Variants in MYO1D observed in about 807,000 individuals in gnomAD.
MYO1D encodes myosin ID.
Under a neutral mutation model 122.0 loss-of-function variants are expected in MYO1D, and 83 were observed. The ratio of observed to expected loss-of-function variants is 0.68; its 90% CI spans 0.57 to 0.82. The LOEUF (loss-of-function observed/expected upper bound fraction) is 0.82, where lower values mean the gene tolerates loss of function less well. MYO1D is among the 40% of genes least tolerant of loss of function. MYO1D has a pLI of 0.00. For missense variants in MYO1D, 1,157 were observed against 1,269.5 expected (o/e 0.91, Z 1.35); for synonymous variants, 464 against 446.9 (o/e 1.04, Z -0.48).
intron 20 of MYO1D, among the ~76,000 whole-genome samples, chr17:32,609,981 T>C (rs1048829145): frequency 6.6e-6 from 1 of 152,206 alleles, no homozygotes; most frequent in Admixed American, 6.5e-5. Context: ...TCTCATTTCA[T>C]TATTTTATAT....
intron 16 of MYO1D, among the ~76,000 whole-genome samples, chr17:32,701,599 G>C (rs2089249797): frequency 6.6e-6 from 1 of 152,052 alleles, no homozygotes; most frequent in Non-Finnish European, 1.5e-5. Context: ...GTCACACTCT[G>C]TCACTTAAGC....
chr17:32,655,739 C>G (rs571651297), intron 17 of MYO1D, among the ~76,000 whole-genome samples: 14 of 152,186 alleles, frequency 9.2e-5, no homozygotes, highest in African/African-American at 3.1e-4. Context: ...GAGAAGCCAT[C>G]GGAAGGTTTG....
At chr17:32,826,711 C>T (rs2090726070) in intron 1 of MYO1D, among the ~76,000 whole-genome samples, 1 of 152,140 alleles carries the variant, frequency 6.6e-6, no homozygotes, top group Non-Finnish European at 1.5e-5. Context: ...AGAAGACAAA[C>T]TAGTACTAAT....
intron 21 of MYO1D, among the ~76,000 whole-genome samples, chr17:32,538,719 G>C (rs142440808): frequency 2.0e-5 from 3 of 152,006 alleles, no homozygotes; most frequent in Non-Finnish European, 1.5e-5. Context: ...ATGATAGACC[G>C]GATAAAGAAA....
chr17:32,580,235 G>T (rs879865273), intron 21 of MYO1D, among the ~76,000 whole-genome samples: 1 of 139,820 alleles, frequency 7.2e-6, no homozygotes, highest in South Asian at 2.4e-4. Context: ...TTTTTTCACA[G>T]ATGTACTTTA....
At chr17:32,861,904 G>A (rs764085966) in intron 1 of MYO1D, among the ~76,000 whole-genome samples, 4 of 152,238 alleles carry the variant, frequency 2.6e-5, no homozygotes, top group South Asian at 2.1e-4. Flanking sequence ...TGTAGTCCCC[G>A]CTACTCGGGA....
At chr17:32,862,555 C>G (rs577727929) in intron 1 of MYO1D, among the ~76,000 whole-genome samples, 1 of 152,250 alleles carries the variant, frequency 6.6e-6, no homozygotes, top group Admixed American at 6.5e-5. Context: ...GGAAATAAAT[C>G]AAGGTATTAA....
intron 1 of MYO1D, among the ~76,000 whole-genome samples, chr17:32,781,216 A>G (rs2090234126): frequency 2.0e-5 from 3 of 152,206 alleles, no homozygotes; most frequent in Admixed American, 1.3e-4. Flanking sequence ...TCCCTCTTGA[A>G]CCTCACTAAA....
At chr17:32,569,836 G>C (rs559989951) in intron 21 of MYO1D, among the ~76,000 whole-genome samples, 40 of 152,228 alleles carry the variant, frequency 2.6e-4, no homozygotes, top group African/African-American at 9.1e-4. Context: ...AATAAGATCC[G>C]GGAATAAAGG....
chr17:32,804,536 C>T (rs953531822), intron 1 of MYO1D, among the ~76,000 whole-genome samples: 3 of 152,288 alleles, frequency 2.0e-5, no homozygotes, highest in Middle Eastern at 3.4e-3. Flanking sequence ...GATCTTTCTC[C>T]CTCCACTGGA....
intron 15 of MYO1D, among the ~76,000 whole-genome samples, chr17:32,716,140 C>T (rs1377467495): frequency 1.3e-5 from 2 of 152,308 alleles, no homozygotes; most frequent in Middle Eastern, 3.4e-3. Context: ...TTCTGTAATG[C>T]GGTTGCCTCC....
chr17:32,772,641 GGTGC>G (rs1024629065), intron 5 of MYO1D, 144 bp downstream of exon 5: 141 of 659,076 alleles, frequency 2.1e-4, no homozygotes, highest in East Asian at 3.9e-4. Flanking sequence ...CAGGGCATGT[GGTGC>G]GTGCGTGCGT....
intron 21 of MYO1D, among the ~76,000 whole-genome samples, chr17:32,513,499 G>C (rs889192907): frequency 1.3e-5 from 2 of 152,144 alleles, no homozygotes; most frequent in Admixed American, 1.3e-4. Context: ...GGATGCAAAG[G>C]GTTTCACTAT....
At chr17:32,715,778 G>A (rs1196301346) in intron 15 of MYO1D, among the ~76,000 whole-genome samples, 3 of 152,098 alleles carry the variant, frequency 2.0e-5, no homozygotes, top group South Asian at 2.1e-4. Context: ...AGGTCTTGAA[G>A]GCATCTTAAT....
At chr17:32,786,835 G>A (rs1355091491) in intron 1 of MYO1D, among the ~76,000 whole-genome samples, 5 of 151,776 alleles carry the variant, frequency 3.3e-5, no homozygotes, top group Admixed American at 6.6e-5. Context: ...AAAAAAGACG[G>A]TCAGTTGAAG....
At position 32,755,002 on chromosome 17, in the gene MYO1D, A is replaced by C. The variant is rs558432366; in HGVS notation, c.1467+490T>G. Among the ~76,000 whole-genome samples the C allele has an allele frequency of 3.9e-5, 6 of 152,376 alleles. No homozygotes were observed. In the South Asian group the frequency reaches 1.2e-3, roughly 32 times the overall value. ...TATTTAATGAATAAGTTTCTCTGTA[A>C]TAACTAGAATTACAACTAGAATCTC... On this transcript the variant is annotated intron_variant, in intron 11 of 21. Transcript: ENST00000318217.
chr17:32,551,046 C>T (rs933710333), intron 21 of MYO1D, among the ~76,000 whole-genome samples: 4 of 152,068 alleles, frequency 2.6e-5, no homozygotes, highest in Admixed American at 2.6e-4. Flanking sequence ...TTAATATTAT[C>T]AGCGAAACAG....
At chr17:32,494,976 C>T (rs1567865808) in intron 21 of MYO1D, 61 bp from the exon 22 acceptor site, 1 of 1,477,860 alleles carries the variant, frequency 6.8e-7, no homozygotes, top group Non-Finnish European at 9.1e-7. Context: ...AGGGCACCTG[C>T]CCGGCAGCTC....
At chr17:32,761,553 AC>A (rs2090002250) in intron 8 of MYO1D, among the ~76,000 whole-genome samples, 1 of 152,102 alleles carries the variant, frequency 6.6e-6, no homozygotes, top group African/African-American at 2.4e-5. Flanking sequence ...CTCCTCTTCT[AC>A]CTGACTTGTA....
Sources: allele counts gnomAD v4.1 joint callset (sites outside exome capture counted in the v4.1 genomes callset), GRCh38; gene constraint gnomAD v4.1.1; transcripts MANE v1.5; gene names NCBI Gene and HGNC (gene_info 2026-07-23, HGNC 2026-07-21).